TOP1: variants seen among roughly 807,000 people sequenced by gnomAD.
The protein encoded by TOP1 is DNA topoisomerase 1.
In TOP1, 10 loss-of-function variants were observed where a neutral mutation model predicts 111.1. That is an observed-to-expected ratio of 0.09 (90% CI 0.06 to 0.15). TOP1 has a LOEUF of 0.15. Ranked by LOEUF, TOP1 falls within the 10% of genes least tolerant of loss-of-function variation. TOP1 has a pLI of 1.00. For synonymous variants in TOP1, 271 were observed against 302.9 expected (o/e 0.89, Z 1.10); for missense variants, 474 against 926.7 (o/e 0.51, Z 6.34).
chr20:41,034,728 T>C lies in TOP1; in HGVS notation c.58+5273T>C, dbSNP rs2033163400. On this transcript the variant is annotated intron_variant, in intron 2 of 20. Transcript: ENST00000361337. The surrounding 1 kb of genome is among the most constrained non-coding windows in gnomAD (Gnocchi z 4.0). ...TGATGTTACTGGTATCTCATGCATA[T>C]CTCTGGAGTATATAGATCGTAATAT... Among the ~76,000 whole-genome samples, 1 of 152,210 alleles carries C rather than the reference T, an allele frequency of 6.6e-6. No individual in the cohort carries two copies. The highest frequency in any genetic ancestry group is 2.1e-4 in the South Asian group (1 of 4,828).
At chr20:41,064,104 G>A (rs1335362354) in intron 3 of TOP1, among the ~76,000 whole-genome samples, 5 of 152,046 alleles carry the variant, frequency 3.3e-5, no homozygotes, top group African/African-American at 1.2e-4. Flanking sequence ...GTAAGGAAGG[G>A]GTCCAGTTTC....
intron 2 of TOP1, among the ~76,000 whole-genome samples, chr20:41,045,907 C>T (rs568446300): frequency 6.6e-6 from 1 of 152,286 alleles, no homozygotes; most frequent in African/African-American, 2.4e-5. Context: ...CCAGTGTAGG[C>T]TGCATCTTAT....
rs1291209457 is a variant in TOP1, at chr20:41,112,326, G to C, written c.1309-456G>C. On this transcript the variant is annotated intron_variant, in intron 13 of 20. Coordinates refer to ENST00000361337, the MANE Select transcript of TOP1 (RefSeq NM_003286.4). This position sits in a 1 kb window ranked among gnomAD's most constrained non-coding sequence, Gnocchi z 5.8. ...GTGAAATTGATGTGGGAATGGGGGT[G>C]ATTATGTGCTTTGTGTTGACAGAAG... Among the ~76,000 whole-genome samples, 1 of 152,202 alleles carries C rather than the reference G, an allele frequency of 6.6e-6. No individual in the cohort carries two copies. The highest frequency in any genetic ancestry group is 1.5e-5 in the Non-Finnish European group (1 of 68,040).
intron 3 of TOP1, among the ~76,000 whole-genome samples, chr20:41,073,719 G>A (rs2033693795): frequency 6.6e-6 from 1 of 152,222 alleles, no homozygotes; most frequent in Admixed American, 6.5e-5. Context: ...GTATCAGCAT[G>A]AGGGGATAGA....
chr20:41,098,358 C>A lies in TOP1; in HGVS notation c.975+21C>A. 6.2e-7 allele frequency: 1 copy of A among 1,604,848 alleles called. No homozygotes were observed. The highest frequency in any genetic ancestry group is 8.5e-7 in the Non-Finnish European group (1 of 1,177,254). ...AACTGGTACTACAGAATTTATTAAACCTCTGGAGAATTCTGGAATTGTGAT... is the reference window on the plus strand; with the variant it reads ...AACTGGTACTACAGAATTTATTAAAACTCTGGAGAATTCTGGAATTGTGAT... On this transcript the variant is annotated intron_variant, in intron 11 of 20. Transcript: ENST00000361337. The surrounding 1 kb of genome is among the most constrained non-coding windows in gnomAD (Gnocchi z 5.7).
At chr20:41,039,646 T>G (rs2033235310) in intron 2 of TOP1, among the ~76,000 whole-genome samples, 1 of 152,198 alleles carries the variant, frequency 6.6e-6, no homozygotes, top group Non-Finnish European at 1.5e-5. Flanking sequence ...TAATGGCTCA[T>G]GCCTGTAATT....
In TOP1 at chr20:41,100,290, TC is replaced by T. The variant is rs1358512578; in HGVS notation, c.1163+49del. 1 of 1,498,066 alleles carries T rather than the reference TC, an allele frequency of 6.7e-7. No individual in the cohort carries two copies. The highest frequency in any genetic ancestry group is 9.2e-7 in the Non-Finnish European group (1 of 1,090,198). The allele number at this position is 1,498,066 out of a possible 1,614,324, so 92.8% of individuals were successfully genotyped here. The stretch of plus-strand genomic sequence containing the variant: ...TGGGCCAAAAAGGGGGTGGAGGGCG[TC>T]CTTTATTGTACTTGGGAATATTTCC... On this transcript the variant is annotated intron_variant, in intron 12 of 20. Transcript: ENST00000361337. The surrounding 1 kb of genome is among the most constrained non-coding windows in gnomAD (Gnocchi z 4.4).
At chr20:41,103,233 A>G (rs1382393061) in intron 13 of TOP1, among the ~76,000 whole-genome samples, 1 of 152,248 alleles carries the variant, frequency 6.6e-6, no homozygotes, top group Admixed American at 6.5e-5. Context: ...CCGCACATAC[A>G]TATACTAATG....
rs1214304979 is a variant in TOP1, at chr20:41,082,933, A to G, written c.508-1529A>G. Among the ~76,000 whole-genome samples the G allele has an allele frequency of 1.3e-5, 2 of 152,088 alleles. No homozygotes were observed. Among genetic ancestry groups the G allele is most frequent in the Non-Finnish European group, 2.9e-5 (2 of 68,008 alleles). On this transcript the variant is annotated intron_variant, in intron 7 of 20. Transcript: ENST00000361337. The surrounding 1 kb of genome is among the most constrained non-coding windows in gnomAD (Gnocchi z 4.1). ...AGAACAGTTGACTTCATTTGTTATT[A>G]TTCTATTTAGCAGCCCTACCACATA...
chr20:41,088,537 G>A (rs1211904393), intron 8 of TOP1, among the ~76,000 whole-genome samples: 2 of 151,986 alleles, frequency 1.3e-5, no homozygotes, highest in African/African-American at 2.4e-5. Context: ...CACTGTAGTC[G>A]ATGAGAAGAA....
chr20:41,041,668 C>G (rs1259187155), intron 2 of TOP1, among the ~76,000 whole-genome samples: 1 of 152,036 alleles, frequency 6.6e-6, no homozygotes. Flanking sequence ...TATTCCTACT[C>G]GTACACCTTG....
chr20:41,088,156 T>C (rs2033869838), intron 8 of TOP1, among the ~76,000 whole-genome samples: 1 of 152,224 alleles, frequency 6.6e-6, no homozygotes, highest in African/African-American at 2.4e-5. Context: ...GTCTTCAGGA[T>C]ACACATGTTG....
chr20:41,100,538 T>G lies in TOP1; in HGVS notation c.1163+295T>G, dbSNP rs1434556668. On this transcript the variant is annotated intron_variant, in intron 12 of 20. Transcript: ENST00000361337. The surrounding 1 kb of genome is among the most constrained non-coding windows in gnomAD (Gnocchi z 4.4). The stretch of plus-strand genomic sequence containing the variant: ...CCCAAATTTAATGTCTTTTCCATGT[T>G]TATTAAGTACTTATCACATAGAGTG... 2 of 294,922 alleles carry G rather than the reference T, an allele frequency of 6.8e-6. No homozygotes were observed. Among genetic ancestry groups the G allele is most frequent in the Non-Finnish European group, 1.3e-5 (2 of 157,962 alleles). 18.3% of individuals were successfully genotyped at this position (294,922 alleles called of 1,614,324 possible).
chr20:41,086,743 T>C (rs1484261108), intron 8 of TOP1, among the ~76,000 whole-genome samples: 2 of 152,258 alleles, frequency 1.3e-5, no homozygotes, highest in Non-Finnish European at 2.9e-5. Flanking sequence ...AACTGGCTAG[T>C]CTTTAACTAA....
At chr20:41,099,967 C>T (rs368728191) in intron 11 of TOP1, 89 bp from the exon 12 acceptor site, 3 of 872,248 alleles carry the variant, frequency 3.4e-6, no homozygotes, top group African/African-American at 1.7e-5. Flanking sequence ...CTTTCCTCTA[C>T]CTTGACTTAG....
At chr20:41,108,291 A>G (rs568176606) in intron 13 of TOP1, among the ~76,000 whole-genome samples, 1 of 152,338 alleles carries the variant, frequency 6.6e-6, no homozygotes, top group Non-Finnish European at 1.5e-5. Flanking sequence ...ATTGTATCCC[A>G]TCTGTGCTCT....
Position 41,101,112 on chromosome 20 carries a change from G to A in TOP1, c.1164-97G>A. On this transcript the variant is annotated intron_variant, in intron 12 of 20. Coordinates refer to ENST00000361337, the MANE Select transcript of TOP1 (RefSeq NM_003286.4). The surrounding 1 kb of genome is among the most constrained non-coding windows in gnomAD (Gnocchi z 4.1). ...TATTGACTGTTAAGAAGGAAACTTG[G>A]AAAATTATGCTCAGCAGATAGGTCC... 9 of 1,380,394 alleles carry A rather than the reference G, an allele frequency of 6.5e-6. No individual in the cohort carries two copies. Among genetic ancestry groups the A allele is most frequent in the Non-Finnish European group, 8.1e-6 (8 of 991,592 alleles). 85.5% of individuals were successfully genotyped at this position (1,380,394 alleles called of 1,614,324 possible).
chr20:41,072,148 C>A, intron 3 of TOP1: 1 of 785,376 alleles, frequency 1.3e-6, no homozygotes. Context: ...ACTGAAGTTT[C>A]TTCAGTAATT....
intron 3 of TOP1, among the ~76,000 whole-genome samples, chr20:41,062,492 CA>C (rs2033557775): frequency 6.6e-6 from 1 of 152,164 alleles, no homozygotes; most frequent in Non-Finnish European, 1.5e-5. Flanking sequence ...ATCACTTGAT[CA>C]TCTAGTTTCC....
Sources: gnomAD v4.1 joint callset for allele counts (sites outside exome capture counted in the v4.1 genomes callset) on GRCh38, gnomAD v4.1.1 for gene constraint, Gnocchi (gnomAD v3.1) non-coding constraint, MANE v1.5 for transcripts, NCBI Gene and HGNC (gene_info 2026-07-23, HGNC 2026-07-21) for gene names.